Variants in FHIT observed in about 807,000 individuals in gnomAD.
The protein encoded by FHIT is bis(5'-adenosyl)-triphosphatase.
FHIT carries 19 observed loss-of-function variants against 17.9 expected under a neutral mutation model. That is an observed-to-expected ratio of 1.06 (90% CI 0.74 to 1.56). FHIT has a LOEUF of 1.56. Among genes scored for constraint, FHIT ranks in the 40% most tolerant of loss-of-function variants. The pLI, the probability that FHIT is intolerant of heterozygous loss-of-function variation, is 0.00. For missense variants in FHIT, 248 were observed against 189.2 expected (o/e 1.31, Z -1.82); for synonymous variants, 81 against 69.7 (o/e 1.16, Z -0.81).
intron 4 of FHIT, among the ~76,000 whole-genome samples, chr3:60,665,002 T>C (rs2040349231): frequency 6.6e-6 from 1 of 152,040 alleles, no homozygotes. Flanking sequence ...TACTTGCTTT[T>C]ACTTTATTTT....
At chr3:61,103,194 G>A (rs2035885668) in intron 2 of FHIT, among the ~76,000 whole-genome samples, 1 of 152,144 alleles carries the variant, frequency 6.6e-6, no homozygotes, top group African/African-American at 2.4e-5. Flanking sequence ...GGCATTTAGT[G>A]CTATAAATTT....
At chr3:60,088,166 GGAATTAACAGATGGA>G (rs1225618190) in intron 5 of FHIT, among the ~76,000 whole-genome samples, 1 of 152,080 alleles carries the variant, frequency 6.6e-6, no homozygotes, top group Non-Finnish European at 1.5e-5. Context: ...AGTTCCCTTG[GGAATTAACAGATGGA>G]GAACTCATCC....
At chr3:60,921,770 G>C (rs1373413588) in intron 3 of FHIT, among the ~76,000 whole-genome samples, 3 of 152,152 alleles carry the variant, frequency 2.0e-5, no homozygotes, top group African/African-American at 7.2e-5. Context: ...GAATTCCGCT[G>C]CTGAAACAGA....
intron 5 of FHIT, among the ~76,000 whole-genome samples, chr3:60,352,047 A>C (rs1261345373): frequency 2.0e-5 from 3 of 152,160 alleles, no homozygotes; most frequent in African/African-American, 2.4e-5. Flanking sequence ...CACTGGAGTA[A>C]TTAATTGCTA....
intron 4 of FHIT, among the ~76,000 whole-genome samples, chr3:60,570,755 A>AAAC (rs34895944): frequency 2.7e-5 from 4 of 150,588 alleles, no homozygotes; most frequent in African/African-American, 9.8e-5. Context: ...AAAAAAAAAA[A>AAAC]CTATCTCAAG....
In FHIT at chr3:60,553,351, G is replaced by C. The variant is rs565355894; in HGVS notation, c.-17-16372C>G. ...CTACCTATGACTCAAGTGAGGACTT[G>C]TGTTTTTACGTAATGTGAATCAGCA... On this transcript the variant is annotated intron_variant, in intron 4 of 9. Coordinates refer to ENST00000492590, the MANE Select transcript of FHIT (RefSeq NM_002012.4). 2.4e-5 allele frequency: 23 copies of C among 963,758 alleles called. No individual in the cohort carries two copies. The African/African-American group carries it at 4.1e-4, about 17-fold the overall frequency. 59.7% of individuals were successfully genotyped at this position (963,758 alleles called of 1,614,324 possible). A position where few individuals can be genotyped will look rare whatever the true frequency, so the allele number is the denominator to read the frequency against.
At chr3:60,233,229 A>C (rs1704593090) in intron 5 of FHIT, among the ~76,000 whole-genome samples, 1 of 152,184 alleles carries the variant, frequency 6.6e-6, no homozygotes, top group African/African-American at 2.4e-5. Context: ...AATCTTAAGA[A>C]CTTGTATGGC....
intron 8 of FHIT, among the ~76,000 whole-genome samples, chr3:59,826,260 G>C (rs1449924236): frequency 6.6e-6 from 1 of 152,170 alleles, no homozygotes; most frequent in Non-Finnish European, 1.5e-5. Context: ...TGGGACTACA[G>C]TTGCGCACCA....
intron 8 of FHIT, 86 bp from the exon 9 acceptor site, chr3:59,752,407 C>T (rs570263749): frequency 2.2e-6 from 2 of 925,562 alleles, no homozygotes; most frequent in South Asian, 1.6e-5. Flanking sequence ...GGAGACTGAA[C>T]AAAATTTGCA....
At chr3:60,966,341 G>C (rs1333551211) in intron 3 of FHIT, among the ~76,000 whole-genome samples, 2 of 152,210 alleles carry the variant, frequency 1.3e-5, no homozygotes, top group African/African-American at 2.4e-5. Context: ...GTCTCTCACG[G>C]CTTCTCTTGA....
At chr3:60,190,410 G>C in intron 5 of FHIT, among the ~76,000 whole-genome samples, 1 of 152,084 alleles carries the variant, frequency 6.6e-6, no homozygotes, top group Non-Finnish European at 1.5e-5. Flanking sequence ...CAAAGGTGAT[G>C]TACACATACC....
At position 61,210,172 on chromosome 3, in the gene FHIT, G is replaced by A. The variant is rs140077972; in HGVS notation, c.-212-9507C>T. ...GCTACTGCTTGATCGTTCAAGTTTT[G>A]TCTCAGAGGAGTACCCGGCCGTGTG... On this transcript the variant is annotated intron_variant, in intron 1 of 9. Coordinates refer to ENST00000492590, the MANE Select transcript of FHIT (RefSeq NM_002012.4). Among the ~76,000 whole-genome samples, 350 of 152,130 alleles carry A rather than the reference G, an allele frequency of 2.3e-3. 2 individuals are homozygous for A. The highest frequency in any genetic ancestry group is 7.9e-3 in the African/African-American group (327 of 41,532).
rs773495956 is a variant in FHIT, at chr3:60,013,030, C to T, written c.249+977G>A. Among the ~76,000 whole-genome samples, 8 of 152,100 alleles carry T rather than the reference C, an allele frequency of 5.3e-5. 1 individual carries two copies. Among genetic ancestry groups the T allele is most frequent in the Admixed American group, 4.6e-4 (7 of 15,274 alleles). Reference sequence around the variant, plus strand: ...AAGGGGACTCAAATGGTTTGACATACAACACATACACACAAAGCATTTGGG... The same window carrying T: ...AAGGGGACTCAAATGGTTTGACATATAACACATACACACAAAGCATTTGGG... On this transcript the variant is annotated intron_variant, in intron 6 of 9. Transcript: ENST00000492590.
At chr3:60,252,222 G>C (rs1705747031) in intron 5 of FHIT, among the ~76,000 whole-genome samples, 1 of 152,082 alleles carries the variant, frequency 6.6e-6, no homozygotes, top group East Asian at 1.9e-4. Context: ...AGGAAATAAA[G>C]TCTACACAAG....
intron 1 of FHIT, among the ~76,000 whole-genome samples, chr3:61,211,511 C>T (rs1192453509): frequency 6.6e-6 from 1 of 152,264 alleles, no homozygotes; most frequent in Non-Finnish European, 1.5e-5. Context: ...GAAGCATGAA[C>T]TGGGTAGAGC....
At chr3:60,146,947 T>C (rs1000794418) in intron 5 of FHIT, among the ~76,000 whole-genome samples, 3 of 152,200 alleles carry the variant, frequency 2.0e-5, no homozygotes, top group African/African-American at 7.2e-5. Context: ...AATGTGAAGA[T>C]ATATAATTGC....
chr3:61,210,003 T>G (rs907025695), intron 1 of FHIT, among the ~76,000 whole-genome samples: 2 of 152,246 alleles, frequency 1.3e-5, no homozygotes, highest in African/African-American at 2.4e-5. Context: ...GTGGATGTCC[T>G]TTCTGTTTGT....
chr3:60,111,896 C>T lies in FHIT; in HGVS notation c.104-97744G>A, dbSNP rs575750881. On this transcript the variant is annotated intron_variant, in intron 5 of 9. Coordinates refer to ENST00000492590, the MANE Select transcript of FHIT (RefSeq NM_002012.4). ...CTCAAATTAAACATCCAACTCTTTGCCTGAAACACCGTTCCTTAAGGGCTT... is the reference window on the plus strand; with the variant it reads ...CTCAAATTAAACATCCAACTCTTTGTCTGAAACACCGTTCCTTAAGGGCTT... Among the ~76,000 whole-genome samples the T allele has an allele frequency of 1.5e-4, 23 of 152,312 alleles. No individual in the cohort carries two copies. In the East Asian group the frequency reaches 3.7e-3, roughly 24 times the overall value.
At chr3:60,003,977 G>C (rs762311265) in intron 7 of FHIT, among the ~76,000 whole-genome samples, 2 of 151,188 alleles carry the variant, frequency 1.3e-5, no homozygotes, top group African/African-American at 2.4e-5. Flanking sequence ...TTTTATATTT[G>C]ATTTCCTAGG....
Sources: gnomAD v4.1 joint callset for allele counts (sites outside exome capture counted in the v4.1 genomes callset) on GRCh38, gnomAD v4.1.1 for gene constraint, MANE v1.5 for transcripts, NCBI Gene and HGNC (gene_info 2026-07-23, HGNC 2026-07-21) for gene names.